The following KLB variants were observed in gnomAD, a reference collection of about 807,000 sequenced individuals.
KLB encodes the protein klotho beta, also known as beta-klotho.
In KLB, 44 loss-of-function variants were observed where a neutral mutation model predicts 88.4. The observed-to-expected ratio is 0.50, with a 90% confidence interval of 0.39 to 0.64. The LOEUF (loss-of-function observed/expected upper bound fraction) is 0.64. Ranked by LOEUF, KLB falls within the 30% of genes least tolerant of loss-of-function variation. The probability of loss-of-function intolerance (pLI) is 0.00; values close to 1 mark genes in which losing one functional copy is unlikely to be tolerated. For synonymous variants in KLB, 548 were observed against 513.4 expected, an observed-to-expected ratio of 1.07 and a Z score of -0.91; for missense variants, 1,137 against 1,304.8, an observed-to-expected ratio of 0.87 and a Z score of 1.98.
chr4:39,448,581 A>G lies in KLB; in HGVS notation c.3030A>G (p.Leu1010=), dbSNP rs1445245862. ...GTTGCTTCTTCTCCACCCTGGTTCT[A>G]CTCTTATCAATTGCCATTTTTCAAA... ...LGCCFFSTLV[L]LLSIAIFQRQ... is the part of the protein sequence containing the mutation. The change falls in exon 5 of 5, where the codon CTA becomes CTG. Residue 1010 remains leucine (L), a synonymous_variant. Coordinates refer to ENST00000257408, the MANE Select transcript of KLB (RefSeq NM_175737.4). The G allele has an allele frequency of 6.2e-7, 1 of 1,614,148 alleles. No individual in the cohort carries two copies. Among genetic ancestry groups the G allele is most frequent in the Admixed American group, 1.7e-5 (1 of 60,032 alleles).
At chr4:39,414,318 A>C (rs1308804459) in intron 1 of KLB, among the ~76,000 whole-genome samples, 1 of 149,744 alleles carries the variant, frequency 6.7e-6, no homozygotes, top group Non-Finnish European at 1.5e-5. Flanking sequence ...AAAAAAAAAA[A>C]CAGTGCTTTT....
At chr4:39,436,858 C>T (rs529052129) in intron 2 of KLB, among the ~76,000 whole-genome samples, 1 of 152,008 alleles carries the variant, frequency 6.6e-6, no homozygotes, top group African/African-American at 2.4e-5. Context: ...TACAGATGCC[C>T]GCCACCATCC....
Position 39,450,485 on chromosome 4 carries a change from TATG to T in KLB, c.*1804_*1806del, listed in dbSNP as rs1445534482. ...ATTAGTCAATTTGAGTAAATGCAAA[TATG>T]ATGAGAAATCAATTTGCTATTTGGC... is the stretch of plus-strand genomic sequence containing the variant. On this transcript the variant is annotated 3_prime_UTR_variant, in exon 5 of 5. Transcript: ENST00000257408. The T allele has an allele frequency of 2.0e-5, 3 of 152,162 alleles. No individual in the cohort carries two copies. The highest frequency in any genetic ancestry group is 7.2e-5 in the African/African-American group (3 of 41,438). 9.4% of individuals were successfully genotyped at this position (152,162 alleles called of 1,614,324 possible).
At chr4:39,432,969 T>C (rs986364245) in intron 1 of KLB, among the ~76,000 whole-genome samples, 1 of 107,046 alleles carries the variant, frequency 9.3e-6, no homozygotes, top group Non-Finnish European at 2.4e-5. Context: ...ACCTCTGCCT[T>C]CCCGGGTTCA....
intron 1 of KLB, among the ~76,000 whole-genome samples, chr4:39,432,129 A>T (rs1293448295): frequency 6.6e-6 from 1 of 152,172 alleles, no homozygotes; most frequent in Non-Finnish European, 1.5e-5. Context: ...TCTACTAAAA[A>T]TACAAAAATT....
chr4:39,442,167 C>T (rs1230750018), intron 3 of KLB, among the ~76,000 whole-genome samples: 1 of 151,910 alleles, frequency 6.6e-6, no homozygotes, highest in African/African-American at 2.4e-5. Flanking sequence ...TCGCTTGAGC[C>T]CGGGAGGAAG....
At chr4:39,430,493 G>A (rs1022308389) in intron 1 of KLB, among the ~76,000 whole-genome samples, 2 of 150,912 alleles carry the variant, frequency 1.3e-5, no homozygotes, top group African/African-American at 2.4e-5. Flanking sequence ...AACCATTTAA[G>A]GTAGTGTCTG....
At chr4:39,426,068 T>C (rs994892570) in intron 1 of KLB, among the ~76,000 whole-genome samples, 3 of 151,968 alleles carry the variant, frequency 2.0e-5, no homozygotes, top group African/African-American at 7.2e-5. Context: ...CTGGCTAACA[T>C]GGTGAAACAC....
chr4:39,407,298 C>A lies in KLB; in HGVS notation c.349C>A (p.His117Asn), dbSNP rs1219508706. The A allele has an allele frequency of 6.2e-7, 1 of 1,613,938 alleles. No individual in the cohort carries two copies. The highest frequency in any genetic ancestry group is 8.5e-7 in the Non-Finnish European group (1 of 1,179,938). ...TATATGGGATCATTTCATCCACACA[C>A]ACCTTAAAAATGTCAGCAGCACGAA... ...PSIWDHFIHTHLKNVSSTNGS... is the reference protein window; with the variant it reads ...PSIWDHFIHTNLKNVSSTNGS... The change falls in exon 1 of 5, where the codon CAC becomes AAC. Residue 117 changes from histidine to asparagine, a missense_variant. Physicochemically the swap from His to Asn is moderately conservative, Grantham distance 68. Around this residue, in one of 4 missense-constraint regions of KLB, gnomAD observed 597 missense variants for 765.2 expected, o/e 0.78. Transcript: ENST00000257408.
chr4:39,430,675 G>C (rs374727995), intron 1 of KLB, among the ~76,000 whole-genome samples: 1 of 144,176 alleles, frequency 6.9e-6, no homozygotes, highest in Admixed American at 7.3e-5. Context: ...ATCTAGGCTC[G>C]CTGCAACCTC....
At position 39,448,629 on chromosome 4, in the gene KLB, G is replaced by C. The variant is rs1017883321; in HGVS notation, c.3078G>C (p.Trp1026Cys). ...AAAGGCAGAAGAGAAGAAAGTTTTGGAAAGCAAAAAACTTACAACACATAC... is the reference window on the plus strand; with the variant it reads ...AAAGGCAGAAGAGAAGAAAGTTTTGCAAAGCAAAAAACTTACAACACATAC... ...IFQRQKRRKF[W>C]KAKNLQHIPL... The change falls in exon 5 of 5, where the codon TGG (tryptophan) becomes TGC (cysteine). Residue 1026 changes from tryptophan (W) to cysteine (C), a missense_variant. Transcript: ENST00000257408. The C allele has an allele frequency of 5.0e-6, 8 of 1,613,456 alleles. No homozygotes were observed. Among genetic ancestry groups the C allele is most frequent in the Admixed American group, 1.7e-5 (1 of 59,914 alleles).
In KLB at chr4:39,451,028, C is replaced by CT. The variant is rs1341589632; in HGVS notation, c.*2346dup. On this transcript the variant is annotated 3_prime_UTR_variant, in exon 5 of 5. Coordinates refer to ENST00000257408, the MANE Select transcript of KLB (RefSeq NM_175737.4). ...GAGCTTATGCTTAAAGCATGCCCCCCTTTTCTAACTTGCTGGTTTACCATA... is the reference window on the plus strand; with the variant it reads ...GAGCTTATGCTTAAAGCATGCCCCCCTTTTTCTAACTTGCTGGTTTACCATA... The CT allele has an allele frequency of 1.3e-5, 2 of 152,174 alleles. No homozygotes were observed. Among genetic ancestry groups the CT allele is most frequent in the Admixed American group, 1.3e-4 (2 of 15,264 alleles). The allele number at this position is 152,174 out of a possible 1,614,324, so 9.4% of individuals were successfully genotyped here.
rs1361781667 is a variant in KLB at position 39,449,603 on chromosome 4, ATC to A, written c.*919_*920del. On this transcript the variant is annotated 3_prime_UTR_variant, in exon 5 of 5. Coordinates refer to ENST00000257408, the MANE Select transcript of KLB (RefSeq NM_175737.4). Reference sequence around the variant, plus strand: ...TCACCTATAGAATATCTAATTTGTGATCTTTTACTAGATCTGATTTTTTAAAA... The same window carrying A: ...TCACCTATAGAATATCTAATTTGTGATTTTACTAGATCTGATTTTTTAAAA... 3.3e-5 allele frequency: 5 copies of A among 152,302 alleles called. No individual in the cohort carries two copies. The highest frequency in any genetic ancestry group is 6.8e-3 in the Middle Eastern group (2 of 294). 9.4% of individuals were successfully genotyped at this position (152,302 alleles called of 1,614,324 possible). A position where few individuals can be genotyped will look rare whatever the true frequency, so the allele number is the denominator to read the frequency against.
intron 1 of KLB, among the ~76,000 whole-genome samples, chr4:39,421,455 A>G (rs1743081023): frequency 6.6e-6 from 1 of 152,146 alleles, no homozygotes; most frequent in Non-Finnish European, 1.5e-5. Flanking sequence ...GGCATAATCA[A>G]AACTATGACT....
In KLB at chr4:39,448,506, C is replaced by T. The variant is rs894632966; in HGVS notation, c.2955C>T (p.Cys985=). The change falls in exon 5 of 5, where the codon TGC becomes TGT. Residue 985 remains cysteine, a synonymous_variant. Transcript: ENST00000257408. The part of the protein sequence containing the change: ...RCSQTQENTE[C]TVCLFLVQKK... ...GTCAGACCCAAGAAAATACAGAGTG[C>T]ACTGTCTGCTTATTCCTTGTGCAGA... 2 of 1,614,150 alleles carry T rather than the reference C, an allele frequency of 1.2e-6. No individual in the cohort carries two copies. Among genetic ancestry groups the T allele is most frequent in the Non-Finnish European group, 1.7e-6 (2 of 1,179,974 alleles).
chr4:39,418,887 G>GT (rs1560645508), intron 1 of KLB, among the ~76,000 whole-genome samples: 1 of 149,808 alleles, frequency 6.7e-6, no homozygotes, highest in East Asian at 2.0e-4. Context: ...GGCAGAGGTT[G>GT]CAGTCAACTG....
At chr4:39,439,334 C>T (rs992629403) in intron 3 of KLB, among the ~76,000 whole-genome samples, 4 of 152,108 alleles carry the variant, frequency 2.6e-5, no homozygotes. Flanking sequence ...ACAGGCAAGG[C>T]AACTGAAGTT....
intron 1 of KLB, among the ~76,000 whole-genome samples, chr4:39,428,695 TTTTA>T (rs900912979): frequency 1.3e-5 from 2 of 152,114 alleles, no homozygotes; most frequent in Non-Finnish European, 2.9e-5. Flanking sequence ...TTTCTTAAAT[TTTTA>T]TTTATTTATT....
chr4:39,447,442 T>C lies in KLB; in HGVS notation c.2716T>C (p.Tyr906His), dbSNP rs17618262. The C allele has an allele frequency of 1.0e-3, 1,612 of 1,603,516 alleles. 16 individuals are homozygous for C. In the East Asian group the frequency reaches 0.02, roughly 20 times the overall value. Residue 906 changes from tyrosine to histidine, a missense_variant, in exon 4 of 5, where the codon TAC becomes CAC. By Grantham distance (83) the Tyr-to-His change is moderately conservative. Transcript: ENST00000257408. Reference sequence around the variant, plus strand: ...GGAGGATGACCGGCTCCGGAAGTACTACCTAGGGAAGTACCTTCAGGAGGT... The same window carrying C: ...GGAGGATGACCGGCTCCGGAAGTACCACCTAGGGAAGTACCTTCAGGAGGT... ...ALEDDRLRKY[Y>H]LGKYLQEVLK... is the part of the protein sequence containing the mutation.
Sources: gnomAD v4.1 joint callset for allele counts (sites outside exome capture counted in the v4.1 genomes callset) on GRCh38, gnomAD v4.1.1 for gene constraint, gnomAD v4.1.1 regional missense constraint, MANE v1.5 for transcripts, NCBI Gene and HGNC (gene_info 2026-07-23, HGNC 2026-07-21) for gene names.